SNX29: variants seen among roughly 807,000 people sequenced by gnomAD.
The protein encoded by SNX29 is sorting nexin 29.
In SNX29, 78 loss-of-function variants were observed where a neutral mutation model predicts 102.1. That is an observed-to-expected ratio of 0.76 (90% CI 0.64 to 0.92). The LOEUF (loss-of-function observed/expected upper bound fraction) is 0.92. Among genes scored for constraint, SNX29 ranks in the 40% least tolerant of loss-of-function variants. The pLI is 0.00. For synonymous variants in SNX29, 580 were observed against 414.5 expected, an observed-to-expected ratio of 1.40 and a Z score of -4.85; for missense variants, 1,280 against 1,061.7, an observed-to-expected ratio of 1.21 and a Z score of -2.86.
intron 18 of SNX29, among the ~76,000 whole-genome samples, chr16:12,444,964 G>A (rs1018495522): frequency 6.6e-6 from 1 of 150,646 alleles, no homozygotes; most frequent in African/African-American, 2.5e-5. Flanking sequence ...GGGTTCTCCT[G>A]CGTCAGCCTC....
chr16:12,251,279 A>G (rs984067411), intron 14 of SNX29, among the ~76,000 whole-genome samples: 2 of 152,234 alleles, frequency 1.3e-5, no homozygotes, highest in Non-Finnish European at 2.9e-5. Flanking sequence ...TGTGGCAAGG[A>G]CTTAGAACAG....
Position 12,571,754 on chromosome 16 carries a change from C to A in SNX29, c.*3125C>A. On this transcript the variant is annotated 3_prime_UTR_variant, in exon 21 of 21. Transcript: ENST00000566228. ...GCTAGAAACCTAGCCCAACCATCCA[C>A]TCCTGATCTGAGACAGAACCTTCTC... is the stretch of plus-strand genomic sequence containing the variant. 9.8e-7 allele frequency: 1 copy of A among 1,016,940 alleles called. No homozygotes were observed. Among genetic ancestry groups the A allele is most frequent in the Non-Finnish European group, 1.2e-6 (1 of 836,192 alleles). 63.0% of individuals were successfully genotyped at this position (1,016,940 alleles called of 1,614,324 possible).
intron 20 of SNX29, among the ~76,000 whole-genome samples, chr16:12,558,428 T>G (rs2078508973): frequency 6.6e-6 from 1 of 152,218 alleles, no homozygotes; most frequent in Admixed American, 6.5e-5. Context: ...AGCTGACATC[T>G]AGAAAGCATT....
At chr16:12,533,893 G>A (rs141147077) in intron 20 of SNX29, among the ~76,000 whole-genome samples, 6 of 152,206 alleles carry the variant, frequency 3.9e-5, no homozygotes, top group East Asian at 1.9e-4. Context: ...TTTTCAAGAC[G>A]TGGCAGAAAT....
chr16:12,497,484 C>G (rs2088889425), intron 19 of SNX29, among the ~76,000 whole-genome samples: 2 of 152,152 alleles, frequency 1.3e-5, no homozygotes, highest in South Asian at 4.1e-4. Flanking sequence ...ACACCAAAGT[C>G]AAACTATTTT....
At position 12,322,844 on chromosome 16, in the gene SNX29, T is replaced by G. The variant is rs1015371558; in HGVS notation, c.1783-33319T>G. 2.8e-4 allele frequency among the ~76,000 whole-genome samples: 42 copies of G among 151,832 alleles called. 1 individual carries two copies. Among genetic ancestry groups the G allele is most frequent in the African/African-American group, 9.4e-4 (39 of 41,354 alleles). On this transcript the variant is annotated intron_variant, in intron 15 of 20. Transcript: ENST00000566228. ...ACTGATGACCACTGTCAGGATGCGG[T>G]CACTAGGGGACCACTGTCAGGATGC...
At chr16:12,332,884 C>G (rs1044358884) in intron 15 of SNX29, among the ~76,000 whole-genome samples, 1 of 152,058 alleles carries the variant, frequency 6.6e-6, no homozygotes, top group Non-Finnish European at 1.5e-5. Context: ...TCCTTCAAGC[C>G]TCACCTCCAA....
intron 20 of SNX29, among the ~76,000 whole-genome samples, chr16:12,564,853 G>A (rs984886352): frequency 1.3e-5 from 2 of 151,646 alleles, no homozygotes; most frequent in Non-Finnish European, 2.9e-5. Flanking sequence ...GCTAACAAGG[G>A]CTATGAGAGA....
intron 14 of SNX29, among the ~76,000 whole-genome samples, chr16:12,226,728 C>T (rs925514784): frequency 3.3e-5 from 5 of 152,176 alleles, no homozygotes; most frequent in African/African-American, 9.6e-5. Context: ...TGTGTGTCAT[C>T]ATACCCAGCT....
chr16:12,447,848 C>G (rs1357052933), intron 18 of SNX29, among the ~76,000 whole-genome samples: 7 of 152,224 alleles, frequency 4.6e-5, no homozygotes, highest in Non-Finnish European at 8.8e-5. Context: ...TACCCTGCCC[C>G]TCTCAACACA....
At chr16:12,285,389 T>C (rs2079562043) in intron 15 of SNX29, among the ~76,000 whole-genome samples, 3 of 152,208 alleles carry the variant, frequency 2.0e-5, no homozygotes, top group Admixed American at 2.0e-4. Context: ...GATGATTGAT[T>C]TTTAAAATTA....
intron 20 of SNX29, among the ~76,000 whole-genome samples, chr16:12,563,602 C>T (rs2078854294): frequency 1.1e-5 from 1 of 89,230 alleles, no homozygotes. Flanking sequence ...ATGTCTGTAT[C>T]ACCACATCTC....
chr16:12,372,356 G>A lies in SNX29; in HGVS notation c.1899+16077G>A, dbSNP rs569461327. Among the ~76,000 whole-genome samples, 11 of 152,326 alleles carry A rather than the reference G, an allele frequency of 7.2e-5. No individual in the cohort carries two copies. In the South Asian group the frequency reaches 8.3e-4, roughly 11 times the overall value. ...GTCAATAGTGAGTTTTGGTAGGTAC[G>A]TTTCTAATGTTCTTTAAATTCCTGT... On this transcript the variant is annotated intron_variant, in intron 16 of 20. Coordinates refer to ENST00000566228, the MANE Select transcript of SNX29 (RefSeq NM_032167.5).
intron 15 of SNX29, among the ~76,000 whole-genome samples, chr16:12,343,428 A>G (rs1217486924): frequency 6.6e-6 from 1 of 152,246 alleles, no homozygotes; most frequent in Non-Finnish European, 1.5e-5. Flanking sequence ...CTGAAGTCAC[A>G]TCTTAACCAT....
intron 14 of SNX29, among the ~76,000 whole-genome samples, chr16:12,236,943 G>A (rs2077952768): frequency 6.6e-6 from 1 of 152,232 alleles, no homozygotes; most frequent in Non-Finnish European, 1.5e-5. Flanking sequence ...AGAAAGCCGG[G>A]TGGGGAGTAA....
At chr16:12,204,111 T>C (rs925857071) in intron 14 of SNX29, among the ~76,000 whole-genome samples, 1 of 152,106 alleles carries the variant, frequency 6.6e-6, no homozygotes, top group Non-Finnish European at 1.5e-5. Context: ...CACATAGAGA[T>C]TGGGAATGAG....
intron 16 of SNX29, chr16:12,373,016 A>C (rs2082737938): frequency 6.6e-6 from 1 of 152,248 alleles, no homozygotes; most frequent in African/African-American, 2.4e-5. Context: ...GACAAGACTA[A>C]GGCACAGATA....
At chr16:12,531,344 C>G (rs564112073) in intron 20 of SNX29, among the ~76,000 whole-genome samples, 1 of 152,218 alleles carries the variant, frequency 6.6e-6, no homozygotes, top group Non-Finnish European at 1.5e-5. Context: ...GCTGTGCTTT[C>G]CGAAGAGCAC....
At chr16:12,333,453 T>A (rs2081355209) in intron 15 of SNX29, among the ~76,000 whole-genome samples, 1 of 152,140 alleles carries the variant, frequency 6.6e-6, no homozygotes, top group Admixed American at 6.5e-5. Context: ...GAGTTTTCCC[T>A]GTTTGAGAGA....
Sources: gnomAD v4.1 joint callset for allele counts (sites outside exome capture counted in the v4.1 genomes callset) on GRCh38, gnomAD v4.1.1 for gene constraint, MANE v1.5 for transcripts, NCBI Gene and HGNC (gene_info 2026-07-23, HGNC 2026-07-21) for gene names.